SAXO1: variants seen among roughly 807,000 people sequenced by gnomAD.
SAXO1 encodes stabilizer of axonemal microtubules 1, also known as 4930500O09Rik.
A neutral mutation model predicts 17.5 loss-of-function variants in SAXO1; 21 were observed. The ratio of observed to expected loss-of-function variants is 1.20; its 90% CI spans 0.85 to 1.72. SAXO1 has a LOEUF of 1.72. Among genes scored for constraint, SAXO1 ranks in the 40% most tolerant of loss-of-function variants. The pLI is 0.00. For synonymous variants in SAXO1, 274 were observed against 216.5 expected, an observed-to-expected ratio of 1.27 and a Z score of -2.33; for missense variants, 843 against 596.0, an observed-to-expected ratio of 1.41 and a Z score of -4.32.
At chr9:19,026,883 G>A in intron 1 of SAXO1, 1 of 709,244 alleles carries the variant, frequency 1.4e-6, no homozygotes, top group Non-Finnish European at 2.6e-6. Flanking sequence ...TCAAAAACTA[G>A]AAAAGAAGAT....
chr9:19,037,836 T>TAGGG (rs1010934543), upstream of SAXO1, among the ~76,000 whole-genome samples: 5 of 152,176 alleles, frequency 3.3e-5, no homozygotes, highest in Non-Finnish European at 1.5e-5. Flanking sequence ...ATCTGTCTCT[T>TAGGG]ACAACTGACA....
At chr9:19,010,984 A>T (rs1834707912) in intron 1 of SAXO1, among the ~76,000 whole-genome samples, 1 of 152,208 alleles carries the variant, frequency 6.6e-6, no homozygotes, top group Non-Finnish European at 1.5e-5. Context: ...ACTAAGGCCC[A>T]GAAAGGTTTT....
At chr9:19,004,580 G>T (rs550763634) in intron 1 of SAXO1, among the ~76,000 whole-genome samples, 1 of 152,312 alleles carries the variant, frequency 6.6e-6, no homozygotes, top group South Asian at 2.1e-4. Flanking sequence ...CATGGATGAA[G>T]CTGGAAACCA....
intron 1 of SAXO1, among the ~76,000 whole-genome samples, chr9:19,022,039 CT>C (rs1201583907): frequency 2.6e-5 from 4 of 152,260 alleles, no homozygotes; most frequent in Non-Finnish European, 5.9e-5. Context: ...CACAATAAAT[CT>C]TGCTGCTGCT....
At chr9:18,953,782 T>C (rs1368352184) in intron 1 of SAXO1, among the ~76,000 whole-genome samples, 1 of 152,180 alleles carries the variant, frequency 6.6e-6, no homozygotes, top group Non-Finnish European at 1.5e-5. Context: ...ACGTATTTAA[T>C]AGATGGATAA....
chr9:19,026,948 C>G (rs4483249), intron 1 of SAXO1: 626,260 of 860,412 alleles, frequency 0.73, 232,816 homozygotes, highest in African/African-American at 0.83. Flanking sequence ...AGGTGCTCAA[C>G]ATGTCCACGG....
At chr9:19,029,763 A>C (rs965005426) in intron 1 of SAXO1, among the ~76,000 whole-genome samples, 1 of 152,144 alleles carries the variant, frequency 6.6e-6, no homozygotes, top group African/African-American at 2.4e-5. Context: ...TGAGAAACTG[A>C]ATTTTTAGTT....
chr9:19,009,961 G>T (rs1161558139), intron 1 of SAXO1, among the ~76,000 whole-genome samples: 1 of 151,926 alleles, frequency 6.6e-6, no homozygotes, highest in African/African-American at 2.4e-5. Context: ...CAGGTACCAG[G>T]AACTACAGGT....
intron 3 of SAXO1, among the ~76,000 whole-genome samples, chr9:18,930,054 G>A (rs1830971750): frequency 6.6e-6 from 1 of 152,228 alleles, no homozygotes; most frequent in African/African-American, 2.4e-5. Context: ...CATGGCTAGT[G>A]AGGTGAGTTG....
At chr9:18,993,679 G>C (rs13285779) in intron 1 of SAXO1, among the ~76,000 whole-genome samples, 8 of 152,154 alleles carry the variant, frequency 5.3e-5, no homozygotes, top group African/African-American at 1.9e-4. Context: ...AACAGAAAGG[G>C]GGTATAAGGT....
intron 1 of SAXO1, among the ~76,000 whole-genome samples, chr9:18,968,585 T>C (rs977431577): frequency 1.7e-5 from 2 of 121,096 alleles, no homozygotes; most frequent in Non-Finnish European, 3.5e-5. Context: ...GTTAAGAAAA[T>C]GTCCCCCTTT....
intron 1 of SAXO1, chr9:19,027,956 C>T (rs896618953): frequency 1.4e-6 from 2 of 1,475,870 alleles, no homozygotes; most frequent in Admixed American, 1.7e-5. Context: ...ACGTGAACTG[C>T]GAGGGAGCTG....
At chr9:18,945,875 A>T (rs527379405) in intron 2 of SAXO1, among the ~76,000 whole-genome samples, 1 of 152,344 alleles carries the variant, frequency 6.6e-6, no homozygotes, top group African/African-American at 2.4e-5. Context: ...ATTTTCCATT[A>T]ACTATTTAAG....
intron 2 of SAXO1, among the ~76,000 whole-genome samples, chr9:18,945,870 C>T (rs7864679): frequency 0.14 from 21,635 of 152,170 alleles, 3,020 homozygotes; most frequent in African/African-American, 0.36. Context: ...GCTTAATTTT[C>T]CATTAACTAT....
intron 1 of SAXO1, among the ~76,000 whole-genome samples, chr9:18,999,792 G>A (rs1014414196): frequency 6.7e-6 from 1 of 149,172 alleles, no homozygotes; most frequent in Non-Finnish European, 1.5e-5. Context: ...GGAGAGTGAG[G>A]AGCACCTCTG....
chr9:18,997,847 A>T (rs1326000563), intron 1 of SAXO1, among the ~76,000 whole-genome samples: 2 of 152,210 alleles, frequency 1.3e-5, no homozygotes, highest in Non-Finnish European at 1.5e-5. Context: ...GTGGACTTCC[A>T]GCAAACTCCA....
intron 1 of SAXO1, among the ~76,000 whole-genome samples, chr9:18,994,641 C>T (rs999294811): frequency 5.3e-5 from 8 of 152,176 alleles, no homozygotes; most frequent in African/African-American, 1.9e-4. Flanking sequence ...AAATGGAAAC[C>T]GCCTGGGCTC....
chr9:18,981,699 A>G (rs1833391520), intron 1 of SAXO1, among the ~76,000 whole-genome samples: 1 of 152,128 alleles, frequency 6.6e-6, no homozygotes, highest in South Asian at 2.1e-4. Context: ...AGCTCTGCCA[A>G]AATGCTCTCA....
At chr9:19,045,010 C>G (rs1334158248) in intron 1 of SAXO1, among the ~76,000 whole-genome samples, 1 of 151,858 alleles carries the variant, frequency 6.6e-6, no homozygotes, top group Non-Finnish European at 1.5e-5. Flanking sequence ...TTGAAGAGCT[C>G]TTTAAGATGC....
Sources: allele counts gnomAD v4.1 joint callset (sites outside exome capture counted in the v4.1 genomes callset), GRCh38; gene constraint gnomAD v4.1.1; transcripts MANE v1.5; gene names NCBI Gene and HGNC (gene_info 2026-07-23, HGNC 2026-07-21).